The following SKA2 variants were observed in gnomAD, a reference collection of about 807,000 sequenced individuals.
The protein encoded by SKA2 is spindle and kinetochore-associated protein 2.
In SKA2, 13 loss-of-function variants were observed where a neutral mutation model predicts 16.9. The ratio of observed to expected loss-of-function variants is 0.77; its 90% CI spans 0.50 to 1.22. The LOEUF is 1.22. Among genes scored for constraint, SKA2 ranks in the 50% most tolerant of loss-of-function variants. The pLI, the probability that SKA2 is intolerant of heterozygous loss-of-function variation, is 0.00. For synonymous variants in SKA2, 47 were observed against 48.5 expected (o/e 0.97, Z 0.13); for missense variants, 107 against 139.7 (o/e 0.77, Z 1.18).
At chr17:59,126,157 C>T (rs2046371084) in intron 2 of SKA2, among the ~76,000 whole-genome samples, 4 of 150,512 alleles carry the variant, frequency 2.7e-5, no homozygotes, top group African/African-American at 9.8e-5. Context: ...GGCGACAGAG[C>T]GAGACTCCGT....
In SKA2 at chr17:59,155,135, A is replaced by G; in HGVS notation, c.29T>C (p.Leu10Pro). MEAEVDKLE[L>P]MFQKAESDLD... ...TCTCCTTCACTTTGCACTCACCATCAGTTCCAGCTTATCGACCTCCGCCTC... is the reference window on the plus strand; with the variant it reads ...TCTCCTTCACTTTGCACTCACCATCGGTTCCAGCTTATCGACCTCCGCCTC... The change falls in exon 1 of 4, where the codon CTG (leucine) becomes CCG (proline). Residue 10 changes from leucine to proline, a missense_variant. Physicochemically the swap from Leu to Pro is moderately conservative, Grantham distance 98. Transcript: ENST00000330137. 1 of 1,613,994 alleles carries G rather than the reference A, an allele frequency of 6.2e-7. No individual in the cohort carries two copies. The highest frequency in any genetic ancestry group is 8.5e-7 in the Non-Finnish European group (1 of 1,179,886).
At chr17:59,132,713 T>G (rs1358076078) in intron 1 of SKA2, among the ~76,000 whole-genome samples, 1 of 152,202 alleles carries the variant, frequency 6.6e-6, no homozygotes, top group African/African-American at 2.4e-5. Flanking sequence ...ATGCCATTAT[T>G]GAAAACGATG....
intron 2 of SKA2, 132 bp from the exon 3 acceptor site, chr17:59,119,627 C>A: frequency 1.3e-6 from 1 of 792,504 alleles, no homozygotes; most frequent in Non-Finnish European, 2.0e-6. Context: ...AATTATGCAG[C>A]CACATGACAT....
At chr17:59,147,267 A>G (rs2046540369) in intron 1 of SKA2, among the ~76,000 whole-genome samples, 1 of 152,114 alleles carries the variant, frequency 6.6e-6, no homozygotes, top group South Asian at 2.1e-4. Context: ...CCTACCCACT[A>G]TTCTAACAGC....
At chr17:59,129,934 AAG>A (rs1568305663) in intron 2 of SKA2, among the ~76,000 whole-genome samples, 2 of 131,878 alleles carry the variant, frequency 1.5e-5, no homozygotes, top group African/African-American at 5.7e-5. Context: ...GGAAGGAAGG[AAG>A]GAGAGAAAGA....
At chr17:59,135,607 C>A (rs898931495) in intron 1 of SKA2, among the ~76,000 whole-genome samples, 2 of 151,844 alleles carry the variant, frequency 1.3e-5, no homozygotes, top group African/African-American at 4.8e-5. Flanking sequence ...TGGGCCACTG[C>A]CCCCAGCCTA....
chr17:59,140,439 G>A (rs2046479389), intron 1 of SKA2, among the ~76,000 whole-genome samples: 1 of 151,848 alleles, frequency 6.6e-6, no homozygotes. Flanking sequence ...ATGTTGGCCA[G>A]GCTGGTCTCG....
chr17:59,116,675 A>G (rs1223539793), intron 3 of SKA2, among the ~76,000 whole-genome samples: 1 of 152,132 alleles, frequency 6.6e-6, no homozygotes, highest in African/African-American at 2.4e-5. Flanking sequence ...ATCTATAAAC[A>G]TAGCACTATT....
chr17:59,144,103 C>T (rs747680704), intron 1 of SKA2, among the ~76,000 whole-genome samples: 1 of 151,916 alleles, frequency 6.6e-6, no homozygotes, highest in Non-Finnish European at 1.5e-5. Flanking sequence ...TTGCAATAAG[C>T]CGAGATCACG....
At chr17:59,126,867 T>G (rs1212325912) in intron 2 of SKA2, among the ~76,000 whole-genome samples, 2 of 152,120 alleles carry the variant, frequency 1.3e-5, no homozygotes, top group African/African-American at 4.8e-5. Flanking sequence ...GCAAACCAAA[T>G]GTCCATTAAC....
At chr17:59,130,730 C>T (rs535895136) in intron 2 of SKA2, among the ~76,000 whole-genome samples, 6 of 152,060 alleles carry the variant, frequency 3.9e-5, no homozygotes, top group East Asian at 1.9e-4. Context: ...TGTTAACAGA[C>T]GATGCTTGGA....
intron 1 of SKA2, among the ~76,000 whole-genome samples, chr17:59,153,010 T>C (rs1038772663): frequency 6.6e-6 from 1 of 152,198 alleles, no homozygotes; most frequent in Non-Finnish European, 1.5e-5. Flanking sequence ...TACCTTATAA[T>C]TTTCTAAAAC....
chr17:59,153,982 G>T (rs539602567), intron 1 of SKA2, among the ~76,000 whole-genome samples: 1 of 151,770 alleles, frequency 6.6e-6, no homozygotes, highest in Non-Finnish European at 1.5e-5. Flanking sequence ...ATGTTGGCCA[G>T]GGTAGTCTCA....
At chr17:59,148,671 G>A (rs1039052443) in intron 1 of SKA2, among the ~76,000 whole-genome samples, 1 of 151,532 alleles carries the variant, frequency 6.6e-6, no homozygotes, top group Non-Finnish European at 1.5e-5. Context: ...AGCTAGGAGT[G>A]GTGGCACGTG....
intron 2 of SKA2, among the ~76,000 whole-genome samples, chr17:59,122,888 G>A (rs1166210114): frequency 6.6e-6 from 1 of 151,724 alleles, no homozygotes; most frequent in East Asian, 2.0e-4. Flanking sequence ...CTCCCAAAGC[G>A]CTGGGATTAC....
At chr17:59,150,392 TA>T (rs1276979110) in intron 1 of SKA2, among the ~76,000 whole-genome samples, 1 of 152,152 alleles carries the variant, frequency 6.6e-6, no homozygotes, top group African/African-American at 2.4e-5. Flanking sequence ...CAAACACTCT[TA>T]GGTTTTAAAT....
At chr17:59,124,298 G>A (rs1169631263) in intron 2 of SKA2, 2 of 152,114 alleles carry the variant, frequency 1.3e-5, no homozygotes, top group Admixed American at 6.6e-5. Context: ...CAGGTGTGGT[G>A]GCACACACCT....
intron 1 of SKA2, among the ~76,000 whole-genome samples, chr17:59,142,177 ATTC>A (rs777523167): frequency 5.3e-5 from 8 of 152,142 alleles, no homozygotes; most frequent in Non-Finnish European, 1.0e-4. Context: ...CTTTACCACA[ATTC>A]TTCTATTTTC....
chr17:59,150,038 A>G (rs2046565374), intron 1 of SKA2, among the ~76,000 whole-genome samples: 1 of 152,174 alleles, frequency 6.6e-6, no homozygotes, highest in Admixed American at 6.5e-5. Flanking sequence ...CTTTTTGTAA[A>G]GTAACAGAAA....
Sources: gnomAD v4.1 joint callset for allele counts (sites outside exome capture counted in the v4.1 genomes callset) on GRCh38, gnomAD v4.1.1 for gene constraint, MANE v1.5 for transcripts, NCBI Gene and HGNC (gene_info 2026-07-23, HGNC 2026-07-21) for gene names.